The following PDSS2 variants were observed in gnomAD, a reference collection of about 807,000 sequenced individuals.
PDSS2 encodes the protein decaprenyl diphosphate synthase subunit 2, also known as all trans-polyprenyl-diphosphate synthase PDSS2.
PDSS2 carries 31 observed loss-of-function variants against 44.5 expected under a neutral mutation model. That is an observed-to-expected ratio of 0.70 (90% confidence interval 0.52 to 0.94). The LOEUF (loss-of-function observed/expected upper bound fraction) is 0.94, where lower values mean the gene tolerates loss of function less well. PDSS2 is among the 40% of genes least tolerant of loss of function. The probability of loss-of-function intolerance (pLI) is 0.00; values close to 1 mark genes in which losing one functional copy is unlikely to be tolerated. For missense variants in PDSS2, 452 were observed against 482.2 expected (o/e 0.94, Z 0.59); for synonymous variants, 157 against 180.3 (o/e 0.87, Z 1.03).
In PDSS2 at chr6:107,154,737, G is replaced by T; in HGVS notation, c.1082C>A (p.Ala361Asp). The change falls in exon 8 of 8, where the codon GCT (alanine) becomes GAT (aspartate). Residue 361 changes from alanine (A) to aspartate (D), a missense_variant. By Grantham distance (126) the Ala-to-Asp change is moderately radical. Transcript: ENST00000369037. ...TCCATGGTAACGACACAGGTCAATAGCTGAAGTCACACCTTTGCCAGCTTT... is the reference window on the plus strand; with the variant it reads ...TCCATGGTAACGACACAGGTCAATATCTGAAGTCACACCTTTGCCAGCTTT... ...RIKAGKGVTS[A>D]IDLCRYHGNK... 1 of 1,614,104 alleles carries T rather than the reference G, an allele frequency of 6.2e-7. No individual in the cohort carries two copies. The highest frequency in any genetic ancestry group is 8.5e-7 in the Non-Finnish European group (1 of 1,179,968).
rs187388707 is a variant in PDSS2, at chr6:107,249,780, C to G, written c.631-4161G>C. Among the ~76,000 whole-genome samples, 214 of 152,262 alleles carry G rather than the reference C, an allele frequency of 1.4e-3. 1 individual carries two copies. The highest frequency in any genetic ancestry group is 2.0e-3 in the Non-Finnish European group (133 of 68,022). On this transcript the variant is annotated intron_variant, in intron 3 of 7. Coordinates refer to ENST00000369037, the MANE Select transcript of PDSS2 (RefSeq NM_020381.4). ...CTGGGGAGAATGCTGCAGCATAGGACAGTAAATGGACAGTGCATGTCTAGT... is the reference window on the plus strand; with the variant it reads ...CTGGGGAGAATGCTGCAGCATAGGAGAGTAAATGGACAGTGCATGTCTAGT...
intron 1 of PDSS2, among the ~76,000 whole-genome samples, chr6:107,401,202 A>G (rs1454130729): frequency 2.0e-5 from 3 of 152,132 alleles, no homozygotes; most frequent in Non-Finnish European, 4.4e-5. Context: ...AACCTTTACT[A>G]TTACCATTAC....
intron 4 of PDSS2, among the ~76,000 whole-genome samples, chr6:107,229,275 C>T (rs1773951218): frequency 6.6e-6 from 1 of 152,150 alleles, no homozygotes; most frequent in Admixed American, 6.5e-5. Flanking sequence ...CAACCTCCAC[C>T]TCCTGGGTTC....
rs575118361 is a variant in PDSS2 at position 107,393,305 on chromosome 6, A to G, written c.297-58973T>C. ...ATTGTTTAATTTCTAAATATCTGGGAATTTTCCAGATATCTATTATAGTGA... is the reference window on the plus strand; with the variant it reads ...ATTGTTTAATTTCTAAATATCTGGGGATTTTCCAGATATCTATTATAGTGA... On this transcript the variant is annotated intron_variant, in intron 1 of 7. Transcript: ENST00000369037. Among the ~76,000 whole-genome samples the G allele has an allele frequency of 2.6e-5, 4 of 152,228 alleles. No individual in the cohort carries two copies. The South Asian group carries it at 8.3e-4, about 32-fold the overall frequency.
chr6:107,266,771 G>A (rs1431048850), intron 3 of PDSS2, among the ~76,000 whole-genome samples: 1 of 152,154 alleles, frequency 6.6e-6, no homozygotes, highest in African/African-American at 2.4e-5. Context: ...AGTGCCTAAT[G>A]GAGCAGATGG....
At chr6:107,208,672 C>T (rs1355608191) in intron 6 of PDSS2, among the ~76,000 whole-genome samples, 1 of 148,340 alleles carries the variant, frequency 6.7e-6, no homozygotes, top group Non-Finnish European at 1.5e-5. Flanking sequence ...TGCAATGGCG[C>T]AATCTCGCTC....
intron 1 of PDSS2, among the ~76,000 whole-genome samples, chr6:107,417,781 ACACAC>A (rs879437901): frequency 0.16 from 503 of 3,214 alleles, 1 homozygote; most frequent in Non-Finnish European, 0.28. Flanking sequence ...ATAATAATAC[ACACAC>A]ACACACACAC....
At chr6:107,333,080 G>T (rs1011011631) in intron 2 of PDSS2, among the ~76,000 whole-genome samples, 1 of 151,938 alleles carries the variant, frequency 6.6e-6, no homozygotes, top group African/African-American at 2.4e-5. Context: ...AAGACCACTA[G>T]AAATAAAATT....
intron 4 of PDSS2, among the ~76,000 whole-genome samples, chr6:107,218,650 T>C (rs143626520): frequency 6.6e-6 from 1 of 152,208 alleles, no homozygotes; most frequent in East Asian, 1.9e-4. Context: ...TAATATAGTA[T>C]CTTAGGTGGG....
chr6:107,362,714 T>C (rs1302501322), intron 1 of PDSS2, among the ~76,000 whole-genome samples: 1 of 152,206 alleles, frequency 6.6e-6, no homozygotes, highest in Non-Finnish European at 1.5e-5. Context: ...GTCTTTAAGA[T>C]ATTATAAGCA....
chr6:107,214,237 T>TG (rs1162074325), intron 4 of PDSS2, among the ~76,000 whole-genome samples: 4 of 151,996 alleles, frequency 2.6e-5, no homozygotes, highest in Non-Finnish European at 4.4e-5. Context: ...TCCGAGTAGC[T>TG]GGACTACAGG....
intron 6 of PDSS2, among the ~76,000 whole-genome samples, chr6:107,206,717 A>G (rs1772989469): frequency 6.6e-6 from 1 of 152,212 alleles, no homozygotes. Flanking sequence ...GTTTGAAGAA[A>G]GTTTATGAAT....
chr6:107,293,440 C>T (rs1318411945), intron 2 of PDSS2, among the ~76,000 whole-genome samples: 1 of 152,116 alleles, frequency 6.6e-6, no homozygotes, highest in Admixed American at 6.6e-5. Flanking sequence ...AATATCTGTC[C>T]CCCTCCCCAC....
chr6:107,175,175 G>C (rs1445702135), intron 7 of PDSS2, among the ~76,000 whole-genome samples: 1 of 149,156 alleles, frequency 6.7e-6, no homozygotes, highest in Non-Finnish European at 1.5e-5. Flanking sequence ...TGGTGCCATT[G>C]CACTCCAGCC....
chr6:107,368,375 A>AG (rs1491508758), intron 1 of PDSS2, among the ~76,000 whole-genome samples: 1 of 152,218 alleles, frequency 6.6e-6, no homozygotes, highest in African/African-American at 2.4e-5. Context: ...TAAACTTAAA[A>AG]GAAGTGTAAA....
At chr6:107,403,849 G>A (rs549595002) in intron 1 of PDSS2, among the ~76,000 whole-genome samples, 1 of 152,192 alleles carries the variant, frequency 6.6e-6, no homozygotes, top group African/African-American at 2.4e-5. Context: ...ATGGGACTGT[G>A]ATGGGAGGGG....
At chr6:107,277,965 T>C (rs1775840513) in intron 2 of PDSS2, among the ~76,000 whole-genome samples, 1 of 150,300 alleles carries the variant, frequency 6.7e-6, no homozygotes, top group Non-Finnish European at 1.5e-5. Flanking sequence ...GTCTCAAAAA[T>C]AAATGAATAA....
intron 7 of PDSS2, among the ~76,000 whole-genome samples, chr6:107,187,232 G>A (rs541817967): frequency 4.3e-4 from 65 of 152,226 alleles, no homozygotes; most frequent in African/African-American, 1.5e-3. Context: ...CCTAAATCGA[G>A]TTATGTCTTT....
chr6:107,431,279 G>T (rs375123043), intron 1 of PDSS2, among the ~76,000 whole-genome samples: 2 of 152,104 alleles, frequency 1.3e-5, no homozygotes, highest in African/African-American at 4.8e-5. Flanking sequence ...TTGAGACAGG[G>T]TCTCACTCTG....
Sources: allele counts gnomAD v4.1 joint callset (sites outside exome capture counted in the v4.1 genomes callset), GRCh38; gene constraint gnomAD v4.1.1; transcripts MANE v1.5; gene names NCBI Gene and HGNC (gene_info 2026-07-23, HGNC 2026-07-21).